Variants in FNDC3A observed in about 807,000 individuals in gnomAD.
FNDC3A encodes fibronectin type III domain containing 3A, also known as fibronectin type-III domain-containing protein 3A.
FNDC3A carries 32 observed loss-of-function variants against 148.9 expected under a neutral mutation model. The observed-to-expected ratio is 0.21, with a 90% CI of 0.16 to 0.29. The LOEUF is 0.29. FNDC3A is among the 10% of genes least tolerant of loss of function. The probability of loss-of-function intolerance (pLI) is 1.00; values close to 1 mark genes in which losing one functional copy is unlikely to be tolerated. For missense variants in FNDC3A, 1,191 were observed against 1,452.8 expected, an observed-to-expected ratio of 0.82 and a Z score of 2.93; for synonymous variants, 472 against 473.6, an observed-to-expected ratio of 1.00 and a Z score of 0.04.
At chr13:49,092,951 A>G (rs942250577) in intron 3 of FNDC3A, among the ~76,000 whole-genome samples, 1 of 152,142 alleles carries the variant, frequency 6.6e-6, no homozygotes, top group Admixed American at 6.6e-5. Flanking sequence ...GATTGCATTA[A>G]TCAACTTTAA....
At chr13:49,083,200 C>G (rs1233239617) in intron 3 of FNDC3A, among the ~76,000 whole-genome samples, 1 of 152,150 alleles carries the variant, frequency 6.6e-6, no homozygotes. Flanking sequence ...CCACTGCCTG[C>G]CAAATTATCA....
chr13:49,075,174 C>T, intron 2 of FNDC3A, 115 bp from the exon 3 acceptor site: 1 of 547,786 alleles, frequency 1.8e-6, no homozygotes, highest in Non-Finnish European at 3.3e-6. Context: ...GTGTAATCCC[C>T]ATTTTCCTTC....
chr13:49,171,255 T>C (rs747452696), intron 10 of FNDC3A, among the ~76,000 whole-genome samples: 7 of 152,178 alleles, frequency 4.6e-5, no homozygotes, highest in Non-Finnish European at 8.8e-5. Context: ...TTGATTGCCA[T>C]TTACATAGTT....
intron 2 of FNDC3A, among the ~76,000 whole-genome samples, chr13:49,034,637 T>A (rs1874366379): frequency 6.6e-6 from 1 of 152,048 alleles, no homozygotes; most frequent in South Asian, 2.1e-4. Context: ...TTGATGCAGT[T>A]TATGTAAGAA....
intron 1 of FNDC3A, among the ~76,000 whole-genome samples, chr13:48,998,593 T>C (rs953127692): frequency 6.6e-6 from 1 of 152,202 alleles, no homozygotes; most frequent in Non-Finnish European, 1.5e-5. Context: ...TAAACACTTT[T>C]GGTCCCAAGC....
chr13:49,128,132 G>A (rs189248221), intron 4 of FNDC3A, among the ~76,000 whole-genome samples: 35 of 152,106 alleles, frequency 2.3e-4, no homozygotes, highest in African/African-American at 6.3e-4. Flanking sequence ...CACCCACCTC[G>A]GCCTCCCAAA....
intron 2 of FNDC3A, among the ~76,000 whole-genome samples, chr13:49,057,991 G>A (rs886217938): frequency 3.9e-5 from 6 of 152,066 alleles, no homozygotes; most frequent in East Asian, 1.9e-4. Flanking sequence ...CTGTGCCTAA[G>A]TTTAGAGATT....
At chr13:49,005,038 G>A (rs1215741116) in intron 1 of FNDC3A, among the ~76,000 whole-genome samples, 1 of 151,740 alleles carries the variant, frequency 6.6e-6, no homozygotes, top group East Asian at 1.9e-4. Flanking sequence ...TAAAGAATAT[G>A]CATTTTCATG....
At chr13:49,081,010 A>G (rs568511811) in intron 3 of FNDC3A, among the ~76,000 whole-genome samples, 22 of 152,318 alleles carry the variant, frequency 1.4e-4, no homozygotes, top group Non-Finnish European at 2.6e-4. Flanking sequence ...AGAGACTCTC[A>G]ATAAACGTTT....
At chr13:49,186,326 T>C (rs1234978352) in intron 15 of FNDC3A, among the ~76,000 whole-genome samples, 1 of 152,212 alleles carries the variant, frequency 6.6e-6, no homozygotes, top group Non-Finnish European at 1.5e-5. Flanking sequence ...CACTGTAAGA[T>C]AATGAGCAGG....
intron 3 of FNDC3A, among the ~76,000 whole-genome samples, chr13:49,112,036 A>G (rs1420995596): frequency 6.6e-6 from 1 of 152,176 alleles, no homozygotes; most frequent in African/African-American, 2.4e-5. Context: ...TGGTAAAAGG[A>G]GGGCCACTTG....
chr13:48,985,834 G>A (rs1215627448), intron 1 of FNDC3A, among the ~76,000 whole-genome samples: 2 of 152,202 alleles, frequency 1.3e-5, no homozygotes, highest in Admixed American at 1.3e-4. Context: ...AACAATGTTT[G>A]TATGTGTATT....
At chr13:49,197,393 C>A (rs1886205943) in intron 20 of FNDC3A, among the ~76,000 whole-genome samples, 3 of 150,772 alleles carry the variant, frequency 2.0e-5, no homozygotes, top group African/African-American at 7.3e-5. Flanking sequence ...TTTTCAGTTC[C>A]CTTTGAAATT....
At chr13:49,110,474 T>G in intron 3 of FNDC3A, 1 of 1,059,760 alleles carries the variant, frequency 9.4e-7, no homozygotes, top group Non-Finnish European at 1.5e-6. Context: ...TAATCTAAAG[T>G]CATGCCGTGT....
intron 2 of FNDC3A, among the ~76,000 whole-genome samples, chr13:49,031,349 G>A (rs1874106145): frequency 6.6e-6 from 1 of 152,124 alleles, no homozygotes; most frequent in African/African-American, 2.4e-5. Flanking sequence ...ACCACTGCAT[G>A]ATCAGCCTGA....
rs759840570 is a variant in FNDC3A, at chr13:49,168,635, A to G, written c.1060A>G (p.Ile354Val). ...TAGAGTCCAGGCAGAATATAATTCT[A>G]TAAAGGGAACTCCTTCAGAGGCTGA... Reference protein sequence around the residue: ...HAKVQAEYNSIKGTPSEAEIF... With the variant: ...HAKVQAEYNSVKGTPSEAEIF... Residue 354 changes from isoleucine to valine, a missense_variant, in exon 10 of 26, where the codon ATA (isoleucine) becomes GTA (valine). By Grantham distance (29) the Ile-to-Val change is conservative (BLOSUM62 3). Coordinates refer to ENST00000492622, the MANE Select transcript of FNDC3A (RefSeq NM_001079673.2). The G allele has an allele frequency of 9.9e-6, 16 of 1,610,356 alleles. No homozygotes were observed. In the South Asian group the frequency reaches 1.6e-4, roughly 17 times the overall value.
chr13:49,011,457 C>T (rs985532109), intron 2 of FNDC3A, among the ~76,000 whole-genome samples: 2 of 152,162 alleles, frequency 1.3e-5, no homozygotes, highest in Non-Finnish European at 2.9e-5. Flanking sequence ...TGATCTCGAA[C>T]TCCTGACCTC....
At chr13:49,019,369 G>T (rs1430061563) in intron 2 of FNDC3A, among the ~76,000 whole-genome samples, 1 of 152,214 alleles carries the variant, frequency 6.6e-6, no homozygotes, top group African/African-American at 2.4e-5. Flanking sequence ...AATTTTCCAG[G>T]TGCCGTCTGT....
At chr13:48,984,799 C>G (rs1951758453) in intron 1 of FNDC3A, among the ~76,000 whole-genome samples, 1 of 152,132 alleles carries the variant, frequency 6.6e-6, no homozygotes, top group East Asian at 1.9e-4. Flanking sequence ...ATTCTCCTGC[C>G]TCAGCCTCCC....
Sources: gnomAD v4.1 joint callset for allele counts (sites outside exome capture counted in the v4.1 genomes callset) on GRCh38, gnomAD v4.1.1 for gene constraint, MANE v1.5 for transcripts, NCBI Gene and HGNC (gene_info 2026-07-23, HGNC 2026-07-21) for gene names.